The following ZNF138 variants were observed in gnomAD, a reference collection of about 807,000 sequenced individuals.
The protein encoded by ZNF138 is zinc finger protein 138.
ZNF138 carries 33 observed loss-of-function variants against 33.0 expected under a neutral mutation model. The observed-to-expected ratio is 1.00, with a 90% CI of 0.76 to 1.34. ZNF138 has a LOEUF of 1.34. Ranked by LOEUF, ZNF138 falls within the 40% of genes most tolerant of loss-of-function variation. ZNF138 has a pLI of 0.00. For synonymous variants in ZNF138, 139 were observed against 120.4 expected (o/e 1.15, Z -1.01); for missense variants, 360 against 370.8 (o/e 0.97, Z 0.24).
chr7:64,826,638 T>A (rs569906466), intron 3 of ZNF138, among the ~76,000 whole-genome samples: 5 of 152,056 alleles, frequency 3.3e-5, no homozygotes, highest in South Asian at 2.1e-4. Context: ...AACCTTTTTT[T>A]AAAATTTTTT....
chr7:64,835,109 T>C (rs1033331037), downstream of ZNF138, among the ~76,000 whole-genome samples: 26 of 151,988 alleles, frequency 1.7e-4, no homozygotes, highest in Non-Finnish European at 3.4e-4. Flanking sequence ...CACTTCTGAG[T>C]GTGACACGCC....
intron 1 of ZNF138, among the ~76,000 whole-genome samples, chr7:64,809,125 C>T (rs1223189626): frequency 4.3e-4 from 50 of 116,902 alleles, no homozygotes; most frequent in African/African-American, 1.3e-3. Flanking sequence ...GGGTGGTGGC[C>T]GGGCAGAGGG....
the ZNF138 span, among the ~76,000 whole-genome samples, chr7:64,846,002 C>T: frequency 6.6e-6 from 1 of 152,122 alleles, no homozygotes; most frequent in African/African-American, 2.4e-5. Flanking sequence ...ATCCCAGCAC[C>T]ATTTGTTGAA....
At chr7:64,827,317 G>T (rs376507199) in intron 3 of ZNF138, among the ~76,000 whole-genome samples, 1 of 151,222 alleles carries the variant, frequency 6.6e-6, no homozygotes, top group African/African-American at 2.4e-5. Context: ...GCACAATCTC[G>T]GTTCACTGCA....
intron 1 of ZNF138, among the ~76,000 whole-genome samples, chr7:64,798,409 G>A (rs911737311): frequency 3.9e-5 from 6 of 152,196 alleles, no homozygotes; most frequent in South Asian, 2.1e-4. Flanking sequence ...TTATTTGACC[G>A]CTGAAGAAAA....
chr7:64,859,526 A>C, the ZNF138 span, among the ~76,000 whole-genome samples: 1 of 152,226 alleles, frequency 6.6e-6, no homozygotes, highest in Non-Finnish European at 1.5e-5. Context: ...ACCAAACTAG[A>C]CCTACTAAGA....
At chr7:64,812,716 CTG>C (rs960351924) in intron 1 of ZNF138, among the ~76,000 whole-genome samples, 12 of 151,950 alleles carry the variant, frequency 7.9e-5, no homozygotes, top group African/African-American at 2.9e-4. Flanking sequence ...CCAAGTGTGA[CTG>C]TGGTGGTAGC....
rs1321327606 is a variant in ZNF138, at chr7:64,832,490, G to C, written c.*288G>C. 1 of 1,108,618 alleles carries C rather than the reference G, an allele frequency of 9.0e-7. No individual in the cohort carries two copies. The highest frequency in any genetic ancestry group is 1.2e-6 in the Non-Finnish European group (1 of 814,384). The allele number at this position is 1,108,618 out of a possible 1,614,324, so 68.7% of individuals were successfully genotyped here. On this transcript the variant is annotated 3_prime_UTR_variant, in exon 4 of 4. Coordinates refer to ENST00000307355, the MANE Select transcript of ZNF138 (RefSeq NM_001271639.2). Reference sequence around the variant, plus strand: ...CACATAAGAAAATTCATACTGGGGAGAAACCCCACAAATGTGGAGAATGCG... The same window carrying C: ...CACATAAGAAAATTCATACTGGGGACAAACCCCACAAATGTGGAGAATGCG...
At chr7:64,831,024 T>C (rs1210390205) in intron 3 of ZNF138, 5 of 1,551,902 alleles carry the variant, frequency 3.2e-6, no homozygotes, top group South Asian at 2.4e-5. Context: ...CTTTATGTCA[T>C]GGGAAACAGA....
At chr7:64,852,592 ACAGAT>A in the ZNF138 span, 1 of 1,538,314 alleles carries the variant, frequency 6.5e-7, no homozygotes, top group Non-Finnish European at 9.0e-7. Flanking sequence ...CACATGGTAA[ACAGAT>A]CAGAAGCCCG....
At position 64,816,038 on chromosome 7, in the gene ZNF138, G is replaced by A. The variant is rs576432982; in HGVS notation, c.208+385G>A. Among the ~76,000 whole-genome samples the A allele has an allele frequency of 3.2e-4, 49 of 151,272 alleles. No individual in the cohort carries two copies. In the South Asian group the frequency reaches 9.8e-3, roughly 30 times the overall value. Reference sequence around the variant, plus strand: ...TCGTATCTGAAATGTGTGAGTAGTGGTTTCTGTTCCATTGTGGTTTTTTTG... The same window carrying A: ...TCGTATCTGAAATGTGTGAGTAGTGATTTCTGTTCCATTGTGGTTTTTTTG... On this transcript the variant is annotated intron_variant, in intron 3 of 3. Coordinates refer to ENST00000307355, the MANE Select transcript of ZNF138 (RefSeq NM_001271639.2).
chr7:64,848,510 C>T, the ZNF138 span, among the ~76,000 whole-genome samples: 8 of 151,804 alleles, frequency 5.3e-5, no homozygotes, highest in South Asian at 1.0e-3. Flanking sequence ...AATTGTTTTT[C>T]GTTTATGCTA....
the ZNF138 span, among the ~76,000 whole-genome samples, chr7:64,855,203 A>C: frequency 6.6e-6 from 1 of 152,154 alleles, no homozygotes; most frequent in South Asian, 2.1e-4. Flanking sequence ...ACTCAGGGTG[A>C]ATACTAAGAA....
chr7:64,800,994 A>C (rs1042951720), intron 1 of ZNF138, among the ~76,000 whole-genome samples: 43 of 152,222 alleles, frequency 2.8e-4, no homozygotes, highest in African/African-American at 9.9e-4. Context: ...AGACTTCAAT[A>C]GTTATTTGTA....
chr7:64,851,118 C>T, the ZNF138 span, among the ~76,000 whole-genome samples: 2 of 152,042 alleles, frequency 1.3e-5, no homozygotes, highest in Non-Finnish European at 2.9e-5. Context: ...GAAATTTACT[C>T]TTAGTTATTC....
chr7:64,829,284 GTAA>G (rs1789892815), intron 3 of ZNF138, among the ~76,000 whole-genome samples: 3 of 76,820 alleles, frequency 3.9e-5, no homozygotes, highest in Non-Finnish European at 1.1e-4. Context: ...ATTAGAGCAA[GTAA>G]GTATTAAAAT....
At chr7:64,838,161 C>T (rs759963315), downstream of ZNF138, among the ~76,000 whole-genome samples, 3 of 152,060 alleles carry the variant, frequency 2.0e-5, no homozygotes, top group African/African-American at 7.2e-5. Flanking sequence ...GTCTGGGCCT[C>T]TTCAGTCGTC....
intron 3 of ZNF138, among the ~76,000 whole-genome samples, chr7:64,830,744 A>G (rs1376736160): frequency 6.6e-6 from 1 of 152,184 alleles, no homozygotes; most frequent in African/African-American, 2.4e-5. Flanking sequence ...AAAAAAAGCT[A>G]CCTGTCAGTG....
chr7:64,853,125 C>T, the ZNF138 span: 7 of 1,438,540 alleles, frequency 4.9e-6, no homozygotes, highest in Non-Finnish European at 6.9e-6. Context: ...AAGGAAAGCC[C>T]ACCGTGTCTC....
Sources: allele counts gnomAD v4.1 joint callset (sites outside exome capture counted in the v4.1 genomes callset), GRCh38; gene constraint gnomAD v4.1.1; transcripts MANE v1.5; gene names NCBI Gene and HGNC (gene_info 2026-07-23, HGNC 2026-07-21).